Variants in CYP2A6 observed in about 807,000 individuals in gnomAD.
CYP2A6 encodes the protein cytochrome P450 2A6.
CYP2A6 carries 27 observed loss-of-function variants against 42.3 expected under a neutral mutation model. The ratio of observed to expected loss-of-function variants is 0.64; its 90% CI spans 0.47 to 0.88. The LOEUF is 0.88. Ranked by LOEUF, CYP2A6 falls within the 40% of genes least tolerant of loss-of-function variation. The probability of loss-of-function intolerance (pLI) is 0.00; values close to 1 mark genes in which losing one functional copy is unlikely to be tolerated. For missense variants in CYP2A6, 628 were observed against 646.0 expected (o/e 0.97, Z 0.30); for synonymous variants, 238 against 246.3 (o/e 0.97, Z 0.31).
At chr19:40,848,046 A>G (rs930769741) in intron 4 of CYP2A6, among the ~76,000 whole-genome samples, 173 bp downstream of exon 4, 31 of 145,156 alleles carry the variant, frequency 2.1e-4, no homozygotes, top group Admixed American at 2.0e-3. Flanking sequence ...GAGACAGGGT[A>G]TTGGACATCC....
In CYP2A6 at chr19:40,848,758, C is replaced by T; in HGVS notation, c.349G>A (p.Val117Ile). 1 of 1,611,112 alleles carries T rather than the reference C, an allele frequency of 6.2e-7. No homozygotes were observed. The highest frequency in any genetic ancestry group is 8.5e-7 in the Non-Finnish European group (1 of 1,179,732). The change falls in exon 3 of 9, where the codon GTA becomes ATA. Residue 117 changes from valine (V) to isoleucine (I), a missense_variant. Val to Ile is a conservative substitution (Grantham distance 29). Coordinates refer to ENST00000301141, the MANE Select transcript of CYP2A6 (RefSeq NM_000762.6). Reference sequence around the variant, plus strand: ...TTGGCGCGCTCCCCGTTGCTGAATACCACGCCTGGGGAGGTGAACGCGGGA... The same window carrying T: ...TTGGCGCGCTCCCCGTTGCTGAATATCACGCCTGGGGAGGTGAACGCGGGA... ...FDWVFKGYGV[V>I]FSNGERAKQL...
At chr19:40,847,167 T>G (rs1382017721) in intron 4 of CYP2A6, 116 bp from the exon 5 acceptor site, 39 of 1,456,596 alleles carry the variant, frequency 2.7e-5, no homozygotes, top group Non-Finnish European at 3.3e-5. Flanking sequence ...ATCTGTCTCG[T>G]TGTTTAGGTA....
At chr19:40,848,971 AGAGAGAAG>A (rs1967157026) in intron 2 of CYP2A6, among the ~76,000 whole-genome samples, 1 of 108,228 alleles carries the variant, frequency 9.2e-6, no homozygotes, top group Non-Finnish European at 1.8e-5. Context: ...AGAGAGAGAG[AGAGAGAAG>A]AGAGAGAGGA....
At chr19:40,849,455 T>G (rs1272520054) in intron 2 of CYP2A6, among the ~76,000 whole-genome samples, 1 of 150,028 alleles carries the variant, frequency 6.7e-6, no homozygotes, top group East Asian at 2.1e-4. Flanking sequence ...TGCGGAGAGA[T>G]GAGAAACACA....
chr19:40,845,628 G>C (rs998437102), intron 6 of CYP2A6, 147 bp from the exon 7 acceptor site: 24 of 1,367,402 alleles, frequency 1.8e-5, no homozygotes, highest in South Asian at 2.9e-5. Flanking sequence ...TCAGCCATTC[G>C]CATTGTTGGA....
rs61562160 is a variant in CYP2A6 at position 40,848,746 on chromosome 19, C to A, written c.361G>T (p.Gly121Trp). 2.5e-6 allele frequency: 4 copies of A among 1,611,500 alleles called. No individual in the cohort carries two copies. The highest frequency in any genetic ancestry group is 1.3e-5 in the African/African-American group (1 of 74,774). ...CGCCGGAGCTGCTTGGCGCGCTCCC[C>A]GTTGCTGAATACCACGCCTGGGGAG... is the stretch of plus-strand genomic sequence containing the variant. ...FKGYGVVFSN[G>W]ERAKQLRRFS... The change falls in exon 3 of 9, where the codon GGG (glycine) becomes TGG (tryptophan). Residue 121 changes from glycine to tryptophan, a missense_variant. Around this residue, in one of 2 missense-constraint regions of CYP2A6, gnomAD observed 606 missense variants for 568.1 expected, o/e 1.07. Transcript: ENST00000301141.
intron 6 of CYP2A6, 96 bp from the exon 7 acceptor site, chr19:40,845,577 G>C (rs2302989): frequency 1.9e-6 from 3 of 1,539,080 alleles, no homozygotes; most frequent in South Asian, 1.2e-5. Context: ...ATATGGCTCC[G>C]CCTATGAGAC....
At chr19:40,847,840 G>T (rs1967126959) in intron 4 of CYP2A6, among the ~76,000 whole-genome samples, 1 of 151,662 alleles carries the variant, frequency 6.6e-6, no homozygotes, top group Non-Finnish European at 1.5e-5. Flanking sequence ...GTTCAGGTAT[G>T]CAGGAGGCCG....
chr19:40,849,556 G>A (rs1050440864), intron 2 of CYP2A6, among the ~76,000 whole-genome samples: 6 of 151,380 alleles, frequency 4.0e-5, no homozygotes, highest in Non-Finnish European at 7.4e-5. Flanking sequence ...CTTAGAGATG[G>A]AGAGAGAGGG....
In CYP2A6 at chr19:40,843,888, A is replaced by T. The variant is rs746173331; in HGVS notation, c.1393T>A (p.Ser465Thr). ...TVMQNFRLKS[S>T]QSPKDIDVSP... ...ACGTCAATGTCCTTAGGTGACTGGG[A>T]GGACTTGAGGCGGAAGTTCTGCATG... The change falls in exon 9 of 9, where the codon TCC becomes ACC. Residue 465 changes from serine to threonine, a missense_variant. Ser to Thr is a moderately conservative substitution (Grantham distance 58, BLOSUM62 1). Transcript: ENST00000301141. 30 of 1,612,256 alleles carry T rather than the reference A, an allele frequency of 1.9e-5. No individual in the cohort carries two copies. In the Admixed American group the frequency reaches 3.2e-4, roughly 17 times the overall value.
chr19:40,845,062 A>T, intron 7 of CYP2A6: 1 of 658,158 alleles, frequency 1.5e-6, no homozygotes. Context: ...TTCTTAAGAT[A>T]GGAAGTTTGG....
rs1202599515 is a variant in CYP2A6 at position 40,849,770 on chromosome 19, AC to A, written c.343+47del. The A allele has an allele frequency of 3.1e-6, 5 of 1,605,868 alleles. No homozygotes were observed. In the Admixed American group the frequency reaches 8.4e-5, roughly 27 times the overall value. On this transcript the variant is annotated intron_variant, in intron 2 of 8. Transcript: ENST00000301141. ...CAGGGAGAAGGCTGGGAACACTGAGACCTTCGTGTCCACCTGGCCACCTTCC... is the reference window on the plus strand; with the variant it reads ...CAGGGAGAAGGCTGGGAACACTGAGACTTCGTGTCCACCTGGCCACCTTCC...
At chr19:40,845,063 G>A in intron 7 of CYP2A6, 1 of 656,228 alleles carries the variant, frequency 1.5e-6, no homozygotes, top group Non-Finnish European at 2.6e-6. Context: ...TCTTAAGATA[G>A]GAAGTTTGGG....
chr19:40,847,145 T>C lies in CYP2A6; in HGVS notation c.655-94A>G, dbSNP rs562491463. ...ATTTGTTTCATAGCAAGGAAGGAAC[T>C]GAGTTAAAGGCATCTGTCTCGTTGT... On this transcript the variant is annotated intron_variant, in intron 4 of 8. Coordinates refer to ENST00000301141, the MANE Select transcript of CYP2A6 (RefSeq NM_000762.6). The C allele has an allele frequency of 1.1e-5, 16 of 1,513,602 alleles. No individual in the cohort carries two copies. In the South Asian group the frequency reaches 1.9e-4, roughly 18 times the overall value. The allele number at this position is 1,513,602 out of a possible 1,614,324, so 93.8% of individuals were successfully genotyped here. A position where few individuals can be genotyped will look rare whatever the true frequency, so the allele number is the denominator to read the frequency against.
intron 7 of CYP2A6, 125 bp downstream of exon 7, chr19:40,845,168 GA>G: frequency 8.3e-7 from 1 of 1,210,416 alleles, no homozygotes; most frequent in Middle Eastern, 1.9e-4. Context: ...GGTGGTTGGG[GA>G]AGTCTTTTTT....
Position 40,848,325 on chromosome 19 carries a change from C to A in CYP2A6, c.548G>T (p.Ser183Ile). 6.2e-7 allele frequency: 1 copy of A among 1,611,932 alleles called. No individual in the cohort carries two copies. The highest frequency in any genetic ancestry group is 8.5e-7 in the Non-Finnish European group (1 of 1,179,952). ...FLSRTVSNVI[S>I]SIVFGDRFDY... ...AAAGCGGTCCCCAAAGACAATGGAG[C>A]TGATGACATTGGAGACTGTGCGGCT... is the stretch of plus-strand genomic sequence containing the variant. Residue 183 changes from serine to isoleucine, a missense_variant, in exon 4 of 9, where the codon AGC (serine) becomes ATC (isoleucine). Coordinates refer to ENST00000301141, the MANE Select transcript of CYP2A6 (RefSeq NM_000762.6).
At chr19:40,848,971 AGAGAGAAGAGAGAGAG>A (rs1967157121) in intron 2 of CYP2A6, among the ~76,000 whole-genome samples, 4 of 108,226 alleles carry the variant, frequency 3.7e-5, no homozygotes, top group African/African-American at 1.7e-4. Context: ...AGAGAGAGAG[AGAGAGAAGAGAGAGAG>A]GAGAGAGAGA....
In CYP2A6 at chr19:40,845,901, G is replaced by C; in HGVS notation, c.973+55C>G. ...GACAGGTGGGGACATTGCACCAGTC[G>C]AAGGGGAATTTTGAGGGTCTGGGGC... is the stretch of plus-strand genomic sequence containing the variant. On this transcript the variant is annotated intron_variant, in intron 6 of 8. Coordinates refer to ENST00000301141, the MANE Select transcript of CYP2A6 (RefSeq NM_000762.6). 5 of 1,590,714 alleles carry C rather than the reference G, an allele frequency of 3.1e-6. No individual in the cohort carries two copies. The Admixed American group carries it at 9.0e-5, about 29-fold the overall frequency.
In CYP2A6 at chr19:40,850,228, T is replaced by A. The variant is rs764682418; in HGVS notation, c.180+19A>T. 9.4e-6 allele frequency: 15 copies of A among 1,601,050 alleles called. No homozygotes were observed. The South Asian group carries it at 1.7e-4, about 18-fold the overall frequency. On this transcript the variant is annotated intron_variant, in intron 1 of 8. Transcript: ENST00000301141. ...GGCAGCCCCCACCCCGTGCCACCCATCTCCCTGCCTTGGGACACCTTCATG... is the reference window on the plus strand; with the variant it reads ...GGCAGCCCCCACCCCGTGCCACCCAACTCCCTGCCTTGGGACACCTTCATG...
Sources: gnomAD v4.1 joint callset for allele counts (sites outside exome capture counted in the v4.1 genomes callset) on GRCh38, gnomAD v4.1.1 for gene constraint, gnomAD v4.1.1 regional missense constraint, MANE v1.5 for transcripts, NCBI Gene and HGNC (gene_info 2026-07-23, HGNC 2026-07-21) for gene names.